Variants in DCLRE1C observed in about 807,000 individuals in gnomAD.
DCLRE1C encodes protein artemis.
DCLRE1C carries 47 observed loss-of-function variants against 61.4 expected under a neutral mutation model. The ratio of observed to expected loss-of-function variants is 0.77; its 90% confidence interval spans 0.61 to 0.98. The LOEUF (loss-of-function observed/expected upper bound fraction) is 0.98, where lower values mean the gene tolerates loss of function less well. Among genes scored for constraint, DCLRE1C ranks in the 50% least tolerant of loss-of-function variants. DCLRE1C has a pLI of 0.00. For missense variants in DCLRE1C, 858 were observed against 816.0 expected (o/e 1.05, Z -0.63); for synonymous variants, 337 against 287.6 (o/e 1.17, Z -1.74).
At position 14,908,662 on chromosome 10, in the gene DCLRE1C, C is replaced by G. The variant is rs745996545; in HGVS notation, c.1825G>C (p.Asp609His). 1 of 1,614,180 alleles carries G rather than the reference C, an allele frequency of 6.2e-7. No individual in the cohort carries two copies. The highest frequency in any genetic ancestry group is 8.5e-7 in the Non-Finnish European group (1 of 1,180,032). Residue 609 changes from aspartate (D) to histidine (H), a missense_variant, in exon 14 of 14, where the codon GAT (aspartate) becomes CAT (histidine). Transcript: ENST00000378278. ...KDTYSDLKSR[D>H]KDVTIVPSTG... ...CTAGGAACTATTGTCACATCTTTATCTCTGCTTTTCAAATCAGAGTAAGTA... is the reference window on the plus strand; with the variant it reads ...CTAGGAACTATTGTCACATCTTTATGTCTGCTTTTCAAATCAGAGTAAGTA...
rs1404837767 is a variant in DCLRE1C at position 14,904,902 on chromosome 10, T to A, written c.*3506A>T. ...TATTGATACCATCATTTTCAGGATC[T>A]ACATTAAGAGGATGGTGATACATAA... On this transcript the variant is annotated 3_prime_UTR_variant, in exon 14 of 14. Coordinates refer to ENST00000378278, the MANE Select transcript of DCLRE1C (RefSeq NM_001033855.3). Among the ~76,000 whole-genome samples, 1 of 152,256 alleles carries A rather than the reference T, an allele frequency of 6.6e-6. No homozygotes were observed.
At chr10:14,937,700 G>A (rs1840174494) in intron 4 of DCLRE1C, among the ~76,000 whole-genome samples, 1 of 152,014 alleles carries the variant, frequency 6.6e-6, no homozygotes. Context: ...AGACCAGTCT[G>A]GCCAACATGG....
chr10:14,902,603 G>A (rs113301024), downstream of DCLRE1C: 22 of 762,480 alleles, frequency 2.9e-5, no homozygotes, highest in African/African-American at 3.0e-4. Context: ...TTATTATCAA[G>A]GTTCTACCTA....
At chr10:14,936,804 G>C (rs1226900536) in intron 4 of DCLRE1C, among the ~76,000 whole-genome samples, 1 of 152,104 alleles carries the variant, frequency 6.6e-6, no homozygotes, top group African/African-American at 2.4e-5. Flanking sequence ...TTCACCACTA[G>C]TTATAGAACC....
chr10:14,938,321 G>C (rs1403486921), intron 4 of DCLRE1C, among the ~76,000 whole-genome samples: 1 of 151,728 alleles, frequency 6.6e-6, no homozygotes, highest in Non-Finnish European at 1.5e-5. Flanking sequence ...CAGAGTCCAG[G>C]ATGGCATTTA....
At position 14,936,568 on chromosome 10, in the gene DCLRE1C, A is replaced by G; in HGVS notation, c.332T>C (p.Leu111Ser). Residue 111 changes from leucine (L) to serine (S), a missense_variant, in exon 5 of 14, where the codon TTA becomes TCA. Leu to Ser is a moderately radical substitution (Grantham distance 145). Coordinates refer to ENST00000378278, the MANE Select transcript of DCLRE1C (RefSeq NM_001033855.3). ...GEKEEIVVTL[L>S]PAGHCPGSVM... ...TGATCCCGGACAGTGACCAGCTGGT[A>G]AGAGAGTCACAACAATCTCTTCCTT... The G allele has an allele frequency of 2.5e-6, 4 of 1,613,404 alleles. No homozygotes were observed. The highest frequency in any genetic ancestry group is 3.4e-6 in the Non-Finnish European group (4 of 1,179,420).
At chr10:14,911,721 A>G (rs1835288862) in intron 13 of DCLRE1C, among the ~76,000 whole-genome samples, 1 of 152,250 alleles carries the variant, frequency 6.6e-6, no homozygotes, top group Non-Finnish European at 1.5e-5. Flanking sequence ...TAAAGGACTG[A>G]TACCAGACTT....
At chr10:14,930,137 G>A (rs1198858179) in intron 9 of DCLRE1C, among the ~76,000 whole-genome samples, 1 of 151,824 alleles carries the variant, frequency 6.6e-6, no homozygotes, top group Admixed American at 6.6e-5. Context: ...CTTGAGACGG[G>A]GTTTCACTCT....
chr10:14,924,869 T>G (rs1837702107), intron 11 of DCLRE1C, among the ~76,000 whole-genome samples: 2 of 150,580 alleles, frequency 1.3e-5, no homozygotes, highest in Admixed American at 1.3e-4. Context: ...AAATAAAAAT[T>G]AAAAAATTAA....
exon 14 of DCLRE1C, chr10:14,899,090 CTGGAGGCTCACTTG>C: frequency 1.6e-6 from 1 of 622,758 alleles, no homozygotes; most frequent in Non-Finnish European, 2.9e-6. Context: ...GAGGTCAAGG[CTGGAGGCTCACTTG>C]AGCCCAGGAG....
chr10:14,941,421 AC>A (rs1840835476), intron 3 of DCLRE1C, among the ~76,000 whole-genome samples: 1 of 152,070 alleles, frequency 6.6e-6, no homozygotes, highest in Admixed American at 6.6e-5. Flanking sequence ...AGTGGCTGGG[AC>A]TACAGGCACA....
exon 14 of DCLRE1C, chr10:14,899,097 C>G (rs1051336021): frequency 6.4e-6 from 4 of 624,732 alleles, no homozygotes; most frequent in Non-Finnish European, 1.2e-5. Context: ...AGGCTGGAGG[C>G]TCACTTGAGC....
Position 14,953,901 on chromosome 10 carries a change from C to A in DCLRE1C, c.109+1G>T, listed in dbSNP as rs143144732. On this transcript the variant is annotated splice_donor_variant, in intron 1 of 13. Transcript: ENST00000378278. LOFTEE classifies it high-confidence loss of function. The stretch of plus-strand genomic sequence containing the variant: ...GCGGGCGACGCGCAGCCCTCACTCA[C>A]CTTTGTGGCAGTGGGACAGGAAGTA... 10 of 1,613,852 alleles carry A rather than the reference C, an allele frequency of 6.2e-6. No individual in the cohort carries two copies. The highest frequency in any genetic ancestry group is 4.0e-5 in the African/African-American group (3 of 74,936).
rs1564357491 is a variant in DCLRE1C at position 14,907,314 on chromosome 10, T to A, written c.*1094A>T. On this transcript the variant is annotated 3_prime_UTR_variant, in exon 14 of 14. Transcript: ENST00000378278. ...TCATACTAGATCCAAGTTTGTCAAT[T>A]TAAATCAGGTGTGTTTATGAGCAAA... is the stretch of plus-strand genomic sequence containing the variant. Among the ~76,000 whole-genome samples, 1 of 150,764 alleles carries A rather than the reference T, an allele frequency of 6.6e-6. No homozygotes were observed. The highest frequency in any genetic ancestry group is 1.5e-5 in the Non-Finnish European group (1 of 67,830).
intron 8 of DCLRE1C, 81 bp from the exon 9 acceptor site, chr10:14,933,036 A>G: frequency 6.8e-7 from 1 of 1,473,512 alleles, no homozygotes; most frequent in Non-Finnish European, 9.5e-7. Context: ...TCAGGGCAAA[A>G]CACCCAGTTA....
At chr10:14,932,643 A>G (rs1282234512) in intron 9 of DCLRE1C, among the ~76,000 whole-genome samples, 1 of 152,214 alleles carries the variant, frequency 6.6e-6, no homozygotes. Context: ...CTCAAAAAAA[A>G]AAAGTACAGA....
exon 14 of DCLRE1C, chr10:14,897,535 C>T (rs757674043): frequency 2.7e-6 from 4 of 1,491,224 alleles, no homozygotes; most frequent in East Asian, 2.3e-5. Flanking sequence ...TCATTTGCCA[C>T]GTAGTAAATG....
chr10:14,929,574 C>T (rs912944617), intron 9 of DCLRE1C, among the ~76,000 whole-genome samples: 1 of 145,342 alleles, frequency 6.9e-6, no homozygotes, highest in Non-Finnish European at 1.5e-5. Flanking sequence ...CCTGGGGGGT[C>T]GAGGCTACAG....
intron 6 of DCLRE1C, 83 bp downstream of exon 6, chr10:14,935,380 C>T (rs1381580388): frequency 1.5e-5 from 22 of 1,446,672 alleles, no homozygotes; most frequent in South Asian, 2.3e-5. Flanking sequence ...GCAGGAGAAT[C>T]GCTTGAACTC....
Sources: gnomAD v4.1 joint callset for allele counts (sites outside exome capture counted in the v4.1 genomes callset) on GRCh38, gnomAD v4.1.1 for gene constraint, MANE v1.5 for transcripts, NCBI Gene and HGNC (gene_info 2026-07-23, HGNC 2026-07-21) for gene names.